Variants in TP73 observed in about 807,000 individuals in gnomAD.
The protein encoded by TP73 is p53-like transcription factor.
A neutral mutation model predicts 62.5 loss-of-function variants in TP73; 25 were observed. The ratio of observed to expected loss-of-function variants is 0.40; its 90% CI spans 0.29 to 0.56. TP73 has a LOEUF of 0.56. TP73 is among the 20% of genes least tolerant of loss of function. The probability of loss-of-function intolerance (pLI) is 0.46; values close to 1 mark genes in which losing one functional copy is unlikely to be tolerated. For synonymous variants in TP73, 423 were observed against 377.5 expected (o/e 1.12, Z -1.40); for missense variants, 754 against 913.3 (o/e 0.83, Z 2.25).
In TP73 at chr1:3,662,902, C is replaced by G. The variant is rs12118148; in HGVS notation, c.-34+10261C>G. 0.26 allele frequency among the ~76,000 whole-genome samples: 39,908 copies of G among 152,148 alleles called. 5,457 individuals are homozygous for G. Among genetic ancestry groups the G allele is most frequent in the East Asian group, 0.36 (1,847 of 5,154 alleles). Reference sequence around the variant, plus strand: ...GGCTGCCTCTTCCAGCAGCTCCGAGCGCTCTCAGAGAAAAACGAAATTCTC... The same window carrying G: ...GGCTGCCTCTTCCAGCAGCTCCGAGGGCTCTCAGAGAAAAACGAAATTCTC... On this transcript the variant is annotated intron_variant, in intron 1 of 13. Transcript: ENST00000378295. The surrounding 1 kb of genome is among the most constrained non-coding windows in gnomAD (Gnocchi z 4.4).
At chr1:3,711,835 C>T (rs897058717) in intron 4 of TP73, among the ~76,000 whole-genome samples, 32 of 118,780 alleles carry the variant, frequency 2.7e-4, no homozygotes, top group Admixed American at 2.4e-3. Context: ...TGTGTGTGCG[C>T]GAGCGTGTGT....
chr1:3,704,827 T>C (rs1639493804), intron 3 of TP73, among the ~76,000 whole-genome samples: 1 of 152,056 alleles, frequency 6.6e-6, no homozygotes, highest in African/African-American at 2.4e-5. Flanking sequence ...CAACCTCCCA[T>C]GTGTGTAGCT....
chr1:3,683,237 C>G, intron 3 of TP73, 57 bp downstream of exon 3: 1 of 1,541,388 alleles, frequency 6.5e-7, no homozygotes, highest in Non-Finnish European at 8.8e-7. Context: ...CAAATGTGGC[C>G]TGTCCTGTCT....
Position 3,722,113 on chromosome 1 carries a change from C to T in TP73, c.522C>T (p.Ala174=). The change falls in exon 5 of 14, where the codon GCC becomes GCT. Residue 174 remains alanine, a synonymous_variant. Coordinates refer to ENST00000378295, the MANE Select transcript of TP73 (RefSeq NM_005427.4). ...CCACCCCGCCACCCCCAGGCACCGC[C>T]ATCCGGGCCATGCCTGTTTACAAGA... ...KVSTPPPPGT[A]IRAMPVYKKA... The T allele has an allele frequency of 5.6e-6, 9 of 1,612,890 alleles. No homozygotes were observed. The highest frequency in any genetic ancestry group is 6.8e-6 in the Non-Finnish European group (8 of 1,179,864).
intron 3 of TP73, 102 bp downstream of exon 3, chr1:3,683,282 G>A: frequency 7.0e-7 from 1 of 1,423,114 alleles, no homozygotes; most frequent in Non-Finnish European, 9.4e-7. Context: ...TAGCCTCTTG[G>A]TTGTACAGCT....
At chr1:3,717,636 A>C (rs907612079) in intron 4 of TP73, among the ~76,000 whole-genome samples, 8 of 152,250 alleles carry the variant, frequency 5.3e-5, no homozygotes, top group Middle Eastern at 3.4e-3. Flanking sequence ...CGTTTTCCAC[A>C]GGGCCAAGCC....
At position 3,733,904 on chromosome 1, in the gene TP73, T is replaced by G. The variant is rs1642315942; in HGVS notation, c.*825T>G. Reference sequence around the variant, plus strand: ...TATTTGATAAAATGATACCCTTTTCTACATGGTGGGTCAGCTTTTTTTTTT... The same window carrying G: ...TATTTGATAAAATGATACCCTTTTCGACATGGTGGGTCAGCTTTTTTTTTT... On this transcript the variant is annotated 3_prime_UTR_variant, in exon 14 of 14. Transcript: ENST00000378295. 2 of 149,108 alleles carry G rather than the reference T, an allele frequency of 1.3e-5. No homozygotes were observed. The highest frequency in any genetic ancestry group is 4.9e-5 in the African/African-American group (2 of 41,006). The allele number at this position is 149,108 out of a possible 1,614,324, so 9.2% of individuals were successfully genotyped here. A position where few individuals can be genotyped will look rare whatever the true frequency, so the allele number is the denominator to read the frequency against.
At chr1:3,713,875 G>C (rs1412709889) in intron 4 of TP73, among the ~76,000 whole-genome samples, 1 of 152,192 alleles carries the variant, frequency 6.6e-6, no homozygotes, top group East Asian at 1.9e-4. Flanking sequence ...GCGGAACAGG[G>C]CATTTTAGGG....
intron 1 of TP73, among the ~76,000 whole-genome samples, chr1:3,665,307 T>C (rs778552377): frequency 3.9e-5 from 6 of 152,132 alleles, no homozygotes; most frequent in Non-Finnish European, 8.8e-5. Flanking sequence ...CCCCAAGCTT[T>C]TAGAAGGAAG....
intron 4 of TP73, among the ~76,000 whole-genome samples, chr1:3,716,914 G>A (rs1240224059): frequency 6.6e-6 from 1 of 152,164 alleles, no homozygotes; most frequent in African/African-American, 2.4e-5. Flanking sequence ...AAAGAGGCCC[G>A]TAACCCCAGA....
intron 1 of TP73, among the ~76,000 whole-genome samples, chr1:3,654,087 T>C (rs578150478): frequency 6.6e-6 from 1 of 152,294 alleles, no homozygotes; most frequent in South Asian, 2.1e-4. Flanking sequence ...GGCACAAGAA[T>C]TGCTTGAACC....
At position 3,682,362 on chromosome 1, in the gene TP73, G is replaced by T; in HGVS notation, c.-4G>T. The stretch of plus-strand genomic sequence containing the variant: ...AGCTGCCCTCGGAGGCCGGCGTGGG[G>T]AAGATGGCCCAGTCCACCGCCACCT... On this transcript the variant is annotated 5_prime_UTR_variant, in exon 2 of 14. The change creates a premature stop within an existing upstream ORF in the 5' untranslated region. Coordinates refer to ENST00000378295, the MANE Select transcript of TP73 (RefSeq NM_005427.4). 1 of 1,542,152 alleles carries T rather than the reference G, an allele frequency of 6.5e-7. No homozygotes were observed. The highest frequency in any genetic ancestry group is 2.4e-5 in the East Asian group (1 of 41,264).
chr1:3,658,743 A>G (rs188467544), intron 1 of TP73, among the ~76,000 whole-genome samples: 53 of 152,286 alleles, frequency 3.5e-4, no homozygotes, highest in African/African-American at 1.3e-3. Flanking sequence ...AGTAATCAAC[A>G]TGTCAACATG....
chr1:3,673,974 C>T (rs1645302536), intron 1 of TP73, among the ~76,000 whole-genome samples: 1 of 152,192 alleles, frequency 6.6e-6, no homozygotes, highest in African/African-American at 2.4e-5. Context: ...CTGGGTTCGA[C>T]CTCCACCCTG....
At chr1:3,673,190 C>A (rs536056020) in intron 1 of TP73, among the ~76,000 whole-genome samples, 1 of 152,214 alleles carries the variant, frequency 6.6e-6, no homozygotes, top group Non-Finnish European at 1.5e-5. Flanking sequence ...CAAAAGGGTG[C>A]GGAGACCACT....
intron 4 of TP73, among the ~76,000 whole-genome samples, chr1:3,716,666 G>A (rs1640624568): frequency 6.6e-6 from 1 of 152,186 alleles, no homozygotes; most frequent in Non-Finnish European, 1.5e-5. Flanking sequence ...AGCCTCCCAC[G>A]AAGGGGGCTG....
At chr1:3,689,635 GGGGACGACA>G (rs1441867528) in intron 3 of TP73, among the ~76,000 whole-genome samples, 1 of 152,190 alleles carries the variant, frequency 6.6e-6, no homozygotes, top group Non-Finnish European at 1.5e-5. Context: ...GGCTCTCGGT[GGGGACGACA>G]GGGAGGAAGG....
At chr1:3,728,589 C>CCAACAGGTGAAT (rs1641866862) in intron 9 of TP73, among the ~76,000 whole-genome samples, 1 of 152,256 alleles carries the variant, frequency 6.6e-6, no homozygotes. Flanking sequence ...GAGTGTGCCT[C>CCAACAGGTGAAT]TCACATGTGG....
In TP73 at chr1:3,696,887, C is replaced by T. The variant is rs1005304689; in HGVS notation, c.187-10662C>T. On this transcript the variant is annotated intron_variant, in intron 3 of 13. Transcript: ENST00000378295. The surrounding 1 kb of genome is among the most constrained non-coding windows in gnomAD (Gnocchi z 4.1). ...GCTGTGCCTAGTGCACGCCCGCCTC[C>T]GGCCCCCCTGCCACCCTCGGCCAGC... 8.5e-5 allele frequency among the ~76,000 whole-genome samples: 13 copies of T among 152,158 alleles called. No homozygotes were observed. The highest frequency in any genetic ancestry group is 2.4e-4 in the African/African-American group (10 of 41,430).
Sources: allele counts gnomAD v4.1 joint callset (sites outside exome capture counted in the v4.1 genomes callset), GRCh38; gene constraint gnomAD v4.1.1; non-coding constraint Gnocchi (gnomAD v3.1); transcripts MANE v1.5; gene names NCBI Gene and HGNC (gene_info 2026-07-23, HGNC 2026-07-21).